Variants in CPAMD8 observed in about 807,000 individuals in gnomAD.
The protein encoded by CPAMD8 is C3 and PZP-like alpha-2-macroglobulin domain-containing protein 8.
In CPAMD8, 146 loss-of-function variants were observed where a neutral mutation model predicts 224.7. The observed-to-expected ratio is 0.65, with a 90% CI of 0.57 to 0.75. The LOEUF is 0.75. Ranked by LOEUF, CPAMD8 falls within the 30% of genes least tolerant of loss-of-function variation. The pLI, the probability that CPAMD8 is intolerant of heterozygous loss-of-function variation, is 0.00. For missense variants in CPAMD8, 2,301 were observed against 2,537.5 expected (o/e 0.91, Z 2.00); for synonymous variants, 966 against 1,044.6 (o/e 0.92, Z 1.45).
rs756483076 is a variant in CPAMD8, at chr19:16,947,171, T to C, written c.2565A>G (p.Lys855=). 6.2e-7 allele frequency: 1 copy of C among 1,613,748 alleles called. No individual in the cohort carries two copies. The highest frequency in any genetic ancestry group is 2.2e-5 in the East Asian group (1 of 44,838). Residue 855 remains lysine (K), a synonymous_variant, in exon 21 of 42, where the codon AAA becomes AAG. Transcript: ENST00000443236. ...CACACATCTTCTTGGTCACATGGCG[T>C]TTGCCAGGATGCCCAACAAACTGGA... is the stretch of plus-strand genomic sequence containing the variant. The part of the protein sequence containing the change: ...KGIQFVGHPG[K]RHVTKKMCVA...
intron 27 of CPAMD8, among the ~76,000 whole-genome samples, chr19:16,920,723 G>C (rs1051517870): frequency 1.3e-5 from 2 of 151,896 alleles, no homozygotes; most frequent in Non-Finnish European, 2.9e-5. Context: ...GGGCATGATG[G>C]TGCACACCTG....
intron 29 of CPAMD8, among the ~76,000 whole-genome samples, chr19:16,911,362 T>C (rs2052720479): frequency 6.6e-6 from 1 of 151,400 alleles, no homozygotes; most frequent in African/African-American, 2.4e-5. Flanking sequence ...CTTTTTTTTT[T>C]GTTCTTTTTT....
intron 18 of CPAMD8, among the ~76,000 whole-genome samples, chr19:16,958,270 TC>T (rs2054538298): frequency 6.6e-6 from 1 of 152,204 alleles, no homozygotes; most frequent in African/African-American, 2.4e-5. Flanking sequence ...ATCCTCTCTG[TC>T]TTCCCATCCC....
intron 11 of CPAMD8, among the ~76,000 whole-genome samples, chr19:16,996,550 G>A (rs544351895): frequency 6.6e-6 from 1 of 152,238 alleles, no homozygotes; most frequent in South Asian, 2.1e-4. Flanking sequence ...CAGGAGTGAT[G>A]GCTCACGCCT....
intron 41 of CPAMD8, chr19:16,895,884 TGCGCGCGC>T (rs759736085): frequency 1.3e-5 from 7 of 528,358 alleles, no homozygotes; most frequent in African/African-American, 1.2e-4. Flanking sequence ...TTGACCCGTA[TGCGCGCGC>T]GCGCGCGCAC....
At chr19:17,001,320 G>GAAAA (rs1170361586) in intron 9 of CPAMD8, among the ~76,000 whole-genome samples, 1 of 42,468 alleles carries the variant, frequency 2.4e-5, no homozygotes, top group Non-Finnish European at 4.2e-5. Context: ...GACTCCGTCT[G>GAAAA]AAAAAAAAAA....
chr19:17,013,512 A>AAAAATAAAACAAAATAAAATAAAAT (rs2056721334), intron 3 of CPAMD8: 1 of 129,458 alleles, frequency 7.7e-6, no homozygotes, highest in African/African-American at 3.1e-5. Context: ...CTCCGCCTCA[A>AAAAATAAAACAAAATAAAATAAAAT]AAAATAAAAT....
Position 16,966,407 on chromosome 19 carries a change from A to G in CPAMD8, c.2213+4484T>C, listed in dbSNP as rs554386123. Among the ~76,000 whole-genome samples, 10 of 152,364 alleles carry G rather than the reference A, an allele frequency of 6.6e-5. No homozygotes were observed. In the South Asian group the frequency reaches 2.1e-3, roughly 32 times the overall value. Reference sequence around the variant, plus strand: ...AAAAACTGTAGAAGAAAACCTAGGCAATACCATTCAAGACATAGGCATGGG... The same window carrying G: ...AAAAACTGTAGAAGAAAACCTAGGCGATACCATTCAAGACATAGGCATGGG... On this transcript the variant is annotated intron_variant, in intron 18 of 41. Coordinates refer to ENST00000443236, the MANE Select transcript of CPAMD8 (RefSeq NM_015692.5).
At chr19:16,964,133 G>GAGAAGCA (rs2054745333) in intron 18 of CPAMD8, among the ~76,000 whole-genome samples, 1 of 152,096 alleles carries the variant, frequency 6.6e-6, no homozygotes. Context: ...AAAAGAACTA[G>GAGAAGCA]AGAAGCAAGA....
At chr19:17,020,180 C>T in intron 3 of CPAMD8, 151 bp downstream of exon 3, 1 of 646,628 alleles carries the variant, frequency 1.5e-6, no homozygotes, top group African/African-American at 1.9e-5. Flanking sequence ...CACCATGTTG[C>T]CCAGGCTGAT....
At position 16,898,159 on chromosome 19, in the gene CPAMD8, T is replaced by TC; in HGVS notation, c.4849-166dup. 1 of 581,794 alleles carries TC rather than the reference T, an allele frequency of 1.7e-6. No individual in the cohort carries two copies. Among genetic ancestry groups the TC allele is most frequent in the East Asian group, 3.0e-5 (1 of 33,270 alleles). The allele number at this position is 581,794 out of a possible 1,614,324, so 36.0% of individuals were successfully genotyped here. The stretch of plus-strand genomic sequence containing the variant: ...TTTTACTTTTCTTTTTTTTTTTTTT[T>TC]CCTGAGACAGAGTCTCGCGCTGTTG... On this transcript the variant is annotated intron_variant, in intron 37 of 41. Coordinates refer to ENST00000443236, the MANE Select transcript of CPAMD8 (RefSeq NM_015692.5). The surrounding 1 kb of genome is among the most constrained non-coding windows in gnomAD (Gnocchi z 4.2).
At chr19:16,968,386 G>C (rs1188236971) in intron 18 of CPAMD8, among the ~76,000 whole-genome samples, 2 of 152,128 alleles carry the variant, frequency 1.3e-5, no homozygotes, top group South Asian at 2.1e-4. Context: ...GCACAAGAAG[G>C]TTCCTGTTTT....
Position 16,899,460 on chromosome 19 carries a change from C to A in CPAMD8, c.4848+15G>T. The A allele has an allele frequency of 7.3e-7, 1 of 1,375,442 alleles. No homozygotes were observed. Among genetic ancestry groups the A allele is most frequent in the Non-Finnish European group, 1.0e-6 (1 of 962,854 alleles). The allele number at this position is 1,375,442 out of a possible 1,614,324, so 85.2% of individuals were successfully genotyped here. On this transcript the variant is annotated intron_variant, in intron 37 of 41. Coordinates refer to ENST00000443236, the MANE Select transcript of CPAMD8 (RefSeq NM_015692.5). The surrounding 1 kb of genome is among the most constrained non-coding windows in gnomAD (Gnocchi z 5.4). ...CACCAGGGAAGCCTCCTCCACCAAC[C>A]CCGGCTGGTGGTACCTCATCAAAGT... is the stretch of plus-strand genomic sequence containing the variant.
intron 23 of CPAMD8, among the ~76,000 whole-genome samples, chr19:16,936,692 C>T (rs1348295408): frequency 6.6e-6 from 1 of 152,166 alleles, no homozygotes. Flanking sequence ...CAGGTGTGAG[C>T]CACCACAGTC....
chr19:16,939,971 G>A (rs1056784867), intron 22 of CPAMD8, among the ~76,000 whole-genome samples: 12 of 151,896 alleles, frequency 7.9e-5, no homozygotes, highest in Admixed American at 3.3e-4. Context: ...GGAGTGCAAT[G>A]GCGCGATCTC....
At chr19:16,967,932 T>TGTATATATGCGC (rs1430149965) in intron 18 of CPAMD8, among the ~76,000 whole-genome samples, 1 of 151,364 alleles carries the variant, frequency 6.6e-6, no homozygotes, top group East Asian at 2.0e-4. Context: ...CACATGTGTG[T>TGTATATATGCGC]ATATATATAC....
chr19:17,016,383 AAG>A lies in CPAMD8; in HGVS notation c.267+3946_267+3947del, dbSNP rs376811314. On this transcript the variant is annotated intron_variant, in intron 3 of 41. Transcript: ENST00000443236. ...ACAAATTCCCAGCATCTGTGCTGTGAAGAGTGTCTTCTAACGTGTGGTGGCCA... is the reference window on the plus strand; with the variant it reads ...ACAAATTCCCAGCATCTGTGCTGTGAAGTGTCTTCTAACGTGTGGTGGCCA... 2.2e-4 allele frequency among the ~76,000 whole-genome samples: 34 copies of A among 152,320 alleles called. No individual in the cohort carries two copies. In the East Asian group the frequency reaches 5.6e-3, roughly 25 times the overall value.
chr19:16,975,591 C>T (rs1173451779), intron 16 of CPAMD8, among the ~76,000 whole-genome samples: 1 of 152,096 alleles, frequency 6.6e-6, no homozygotes, highest in East Asian at 1.9e-4. Flanking sequence ...GCCTGTAGCC[C>T]CAGCTACTCT....
At chr19:16,914,283 G>T in intron 29 of CPAMD8, 141 bp downstream of exon 29, 1 of 659,530 alleles carries the variant, frequency 1.5e-6, no homozygotes, top group Non-Finnish European at 2.7e-6. Context: ...GACCATTGTT[G>T]ATGAAAAGCA....
Sources: allele counts gnomAD v4.1 joint callset (sites outside exome capture counted in the v4.1 genomes callset), GRCh38; gene constraint gnomAD v4.1.1; non-coding constraint Gnocchi (gnomAD v3.1); transcripts MANE v1.5; gene names NCBI Gene and HGNC (gene_info 2026-07-23, HGNC 2026-07-21).